SYTL3: variants seen among roughly 807,000 people sequenced by gnomAD.
The protein encoded by SYTL3 is synaptotagmin like 3, also known as synaptotagmin-like protein 3.
A neutral mutation model predicts 82.1 loss-of-function variants in SYTL3; 88 were observed. The ratio of observed to expected loss-of-function variants is 1.07; its 90% confidence interval spans 0.90 to 1.28. The LOEUF is 1.28. SYTL3 is among the 50% of genes most tolerant of loss of function. SYTL3 has a pLI of 0.00. For synonymous variants in SYTL3, 311 were observed against 289.4 expected (o/e 1.07, Z -0.76); for missense variants, 831 against 757.6 (o/e 1.10, Z -1.14).
At chr6:158,670,761 G>A (rs757244094) in intron 5 of SYTL3, among the ~76,000 whole-genome samples, 12 of 151,816 alleles carry the variant, frequency 7.9e-5, no homozygotes, top group Non-Finnish European at 1.5e-4. Flanking sequence ...CAAGCTAGGC[G>A]ACAGACTCAA....
At chr6:158,672,181 C>G (rs1464987998) in intron 5 of SYTL3, among the ~76,000 whole-genome samples, 2 of 152,046 alleles carry the variant, frequency 1.3e-5, no homozygotes, top group African/African-American at 4.8e-5. Context: ...ATCCCAGCTA[C>G]TTGGGAGGTT....
chr6:158,751,940 C>G lies in SYTL3; in HGVS notation c.1047C>G (p.Thr349=). Residue 349 remains threonine (T), a synonymous_variant, in exon 13 of 18, where the codon ACC becomes ACG. Coordinates refer to ENST00000611299, the MANE Select transcript of SYTL3 (RefSeq NM_001242394.2). Reference sequence around the variant, plus strand: ...GTTTGGCCCCTAGGTATGTGAAGACCTACCTGTTGCCCGACAGATCCTCCC... The same window carrying G: ...GTTTGGCCCCTAGGTATGTGAAGACGTACCTGTTGCCCGACAGATCCTCCC... ...KKKKCNPYVK[T]YLLPDRSSQG... The G allele has an allele frequency of 2.5e-6, 4 of 1,597,342 alleles. No homozygotes were observed. The highest frequency in any genetic ancestry group is 3.4e-6 in the Non-Finnish European group (4 of 1,172,294).
intron 6 of SYTL3, among the ~76,000 whole-genome samples, chr6:158,687,028 A>G (rs1045381153): frequency 6.6e-6 from 1 of 152,184 alleles, no homozygotes; most frequent in African/African-American, 2.4e-5. Flanking sequence ...CCAGCCCTCT[A>G]TATCCTGAGC....
intron 11 of SYTL3, among the ~76,000 whole-genome samples, chr6:158,733,518 A>G (rs188508617): frequency 7.9e-5 from 12 of 151,944 alleles, no homozygotes; most frequent in Non-Finnish European, 1.5e-4. Context: ...CAGTAGAGAC[A>G]GGGTTTCACT....
At chr6:158,763,166 C>T (rs75066717) in intron 16 of SYTL3, 138 bp from the exon 17 acceptor site, 9,870 of 796,282 alleles carry the variant, frequency 0.012, 220 homozygotes, top group African/African-American at 0.069. Context: ...GTGGTTCCCA[C>T]CCTGCTTCAC....
intron 4 of SYTL3, chr6:158,663,750 C>T (rs887189036): frequency 6.0e-6 from 2 of 335,052 alleles, no homozygotes; most frequent in African/African-American, 4.5e-5. Context: ...GGTTTTCCTA[C>T]CTCATTTTTG....
At chr6:158,662,172 A>T (rs1349909472) in intron 3 of SYTL3, among the ~76,000 whole-genome samples, 1 of 152,192 alleles carries the variant, frequency 6.6e-6, no homozygotes, top group African/African-American at 2.4e-5. Context: ...CATTGAAAGG[A>T]CGTCTTATCA....
At chr6:158,669,481 G>A (rs1777121414) in intron 5 of SYTL3, among the ~76,000 whole-genome samples, 1 of 152,220 alleles carries the variant, frequency 6.6e-6, no homozygotes, top group Non-Finnish European at 1.5e-5. Flanking sequence ...TTTGTACAGA[G>A]AATTCTGTAA....
intron 6 of SYTL3, among the ~76,000 whole-genome samples, chr6:158,693,487 C>T (rs776069273): frequency 9.2e-5 from 14 of 152,236 alleles, no homozygotes; most frequent in Non-Finnish European, 1.6e-4. Flanking sequence ...TCCCTTCAAG[C>T]GATTCTCCTA....
At chr6:158,660,471 G>A (rs1030661693) in intron 2 of SYTL3, among the ~76,000 whole-genome samples, 1 of 152,230 alleles carries the variant, frequency 6.6e-6, no homozygotes, top group Non-Finnish European at 1.5e-5. Flanking sequence ...ACTTGCACCT[G>A]GGGCCCACAG....
chr6:158,758,569 G>A (rs914528834), intron 14 of SYTL3, among the ~76,000 whole-genome samples: 1 of 152,108 alleles, frequency 6.6e-6, no homozygotes, highest in Non-Finnish European at 1.5e-5. Flanking sequence ...CGGAGCCAGC[G>A]CAGCTGGGAT....
chr6:158,681,629 G>A (rs1423559983), intron 5 of SYTL3, among the ~76,000 whole-genome samples: 1 of 152,166 alleles, frequency 6.6e-6, no homozygotes, highest in Non-Finnish European at 1.5e-5. Flanking sequence ...AGTGACTTGA[G>A]ATCGTGCCAC....
At chr6:158,744,300 C>CTTTTTT (rs1787322577) in intron 11 of SYTL3, among the ~76,000 whole-genome samples, 2 of 79,662 alleles carry the variant, frequency 2.5e-5, no homozygotes, top group African/African-American at 5.0e-5. Context: ...TTTTCTTTTT[C>CTTTTTT]TTTCTTTTTT....
chr6:158,747,018 G>T (rs574658323), intron 12 of SYTL3, among the ~76,000 whole-genome samples: 1 of 152,140 alleles, frequency 6.6e-6, no homozygotes, highest in African/African-American at 2.4e-5. Flanking sequence ...ACGGAGTCTT[G>T]CTCTGTTGCC....
intron 2 of SYTL3, among the ~76,000 whole-genome samples, chr6:158,657,331 C>T (rs1375886674): frequency 2.1e-5 from 3 of 144,542 alleles, no homozygotes; most frequent in Non-Finnish European, 4.5e-5. Flanking sequence ...GAGGCTGAGT[C>T]AAGAGAATCG....
At chr6:158,689,371 C>G (rs1393504752) in intron 6 of SYTL3, among the ~76,000 whole-genome samples, 1 of 152,202 alleles carries the variant, frequency 6.6e-6, no homozygotes, top group East Asian at 1.9e-4. Context: ...GAATTCATCT[C>G]ATCACGAATA....
At chr6:158,716,435 C>A (rs1714750928) in intron 9 of SYTL3, among the ~76,000 whole-genome samples, 1 of 152,182 alleles carries the variant, frequency 6.6e-6, no homozygotes, top group African/African-American at 2.4e-5. Context: ...CCCCTCACAG[C>A]CTCACAGTCC....
intron 10 of SYTL3, among the ~76,000 whole-genome samples, chr6:158,723,994 C>T (rs951184155): frequency 3.3e-5 from 5 of 152,216 alleles, no homozygotes; most frequent in African/African-American, 7.2e-5. Context: ...GGCCTTCCCT[C>T]TCAGGCTTAC....
intron 5 of SYTL3, among the ~76,000 whole-genome samples, chr6:158,679,098 G>A (rs1453966782): frequency 2.0e-5 from 3 of 152,264 alleles, no homozygotes; most frequent in East Asian, 3.9e-4. Flanking sequence ...GGCCGGGTGT[G>A]GTGGCTCACA....
Sources: gnomAD v4.1 joint callset for allele counts (sites outside exome capture counted in the v4.1 genomes callset) on GRCh38, gnomAD v4.1.1 for gene constraint, MANE v1.5 for transcripts, NCBI Gene and HGNC (gene_info 2026-07-23, HGNC 2026-07-21) for gene names.